The following LTBP1 variants were observed in gnomAD, a reference collection of about 807,000 sequenced individuals.
The protein encoded by LTBP1 is latent-transforming growth factor beta-binding protein 1.
Under a neutral mutation model 207.6 loss-of-function variants are expected in LTBP1, and 129 were observed. That is an observed-to-expected ratio of 0.62 (90% CI 0.54 to 0.72). LTBP1 has a LOEUF of 0.72. LTBP1 is among the 30% of genes least tolerant of loss of function. The pLI is 0.00. For missense variants in LTBP1, 2,281 were observed against 2,217.2 expected (o/e 1.03, Z -0.58); for synonymous variants, 963 against 833.7 (o/e 1.16, Z -2.67).
chr2:33,131,585 T>C (rs1260181097), intron 4 of LTBP1, among the ~76,000 whole-genome samples: 2 of 152,224 alleles, frequency 1.3e-5, no homozygotes, highest in African/African-American at 2.4e-5. Flanking sequence ...AAGATTGGCA[T>C]GAAAACCTAA....
chr2:33,252,007 T>G (rs1299109357), intron 10 of LTBP1, among the ~76,000 whole-genome samples: 1 of 152,208 alleles, frequency 6.6e-6, no homozygotes, highest in Non-Finnish European at 1.5e-5. Flanking sequence ...GATTAAAGTT[T>G]AGGTATTGGA....
chr2:33,388,385 T>C (rs539818492), intron 31 of LTBP1, among the ~76,000 whole-genome samples: 1 of 152,204 alleles, frequency 6.6e-6, no homozygotes, highest in Non-Finnish European at 1.5e-5. Context: ...ATGTGAAAAC[T>C]GTACACTCTG....
intron 26 of LTBP1, among the ~76,000 whole-genome samples, chr2:33,347,996 G>A (rs1396008342): frequency 6.6e-6 from 1 of 152,200 alleles, no homozygotes; most frequent in Non-Finnish European, 1.5e-5. Flanking sequence ...GGCCTAGAGA[G>A]TAGCTATGTT....
At chr2:33,030,781 C>G (rs2075657047) in intron 3 of LTBP1, among the ~76,000 whole-genome samples, 1 of 152,082 alleles carries the variant, frequency 6.6e-6, no homozygotes, top group Non-Finnish European at 1.5e-5. Context: ...TCAAATGAGT[C>G]TTTAATAAAT....
chr2:32,994,792 C>T lies in LTBP1; in HGVS notation c.566-26117C>T, dbSNP rs78758013. ...ACATTAGTGATTCTTAACCTTGCTG[C>T]GTATAAGAATCTCTTGGGAAAATTA... is the stretch of plus-strand genomic sequence containing the variant. On this transcript the variant is annotated intron_variant, in intron 2 of 33. Coordinates refer to ENST00000404816, the MANE Select transcript of LTBP1 (RefSeq NM_206943.4). Among the ~76,000 whole-genome samples the T allele has an allele frequency of 3.2e-3, 483 of 152,242 alleles. 1 individual carries two copies. Among genetic ancestry groups the T allele is most frequent in the African/African-American group, 0.011 (447 of 41,548 alleles).
rs118110176 is a variant in LTBP1, at chr2:33,048,574, C to T, written c.863+27368C>T. On this transcript the variant is annotated intron_variant, in intron 3 of 33. Coordinates refer to ENST00000404816, the MANE Select transcript of LTBP1 (RefSeq NM_206943.4). ...ATAGATGTTGTACTTATGTTTACTT[C>T]TGTCTAAAAATAGAAATCAACCTGT... Among the ~76,000 whole-genome samples the T allele has an allele frequency of 5.1e-4, 78 of 152,344 alleles. 3 individuals carry two copies. In the East Asian group the frequency reaches 0.011, roughly 22 times the overall value.
intron 3 of LTBP1, among the ~76,000 whole-genome samples, chr2:33,041,706 T>C (rs542541609): frequency 6.6e-5 from 10 of 152,328 alleles, no homozygotes; most frequent in African/African-American, 1.9e-4. Context: ...ACCTTTGTAT[T>C]AGGGCATAAA....
chr2:33,258,238 A>G (rs537432826), intron 12 of LTBP1, among the ~76,000 whole-genome samples: 2 of 152,312 alleles, frequency 1.3e-5, no homozygotes, highest in Non-Finnish European at 2.9e-5. Context: ...TACTTCACAT[A>G]TCTTGCTTAC....
rs142628362 is a variant in LTBP1, at chr2:33,188,754, A to T, written c.1604A>T (p.His535Leu). ...GLPVQKTQTIHSTYSHQQVIP... is the reference protein window; with the variant it reads ...GLPVQKTQTILSTYSHQQVIP... ...CCTGTCCAGAAGACCCAGACCATAC[A>T]TTCCACATACTCCCACCAGCAGGTC... The change falls in exon 7 of 34, where the codon CAT (histidine) becomes CTT (leucine). Residue 535 changes from histidine to leucine, a missense_variant. Transcript: ENST00000404816. 2 of 1,614,108 alleles carry T rather than the reference A, an allele frequency of 1.2e-6. No individual in the cohort carries two copies. The highest frequency in any genetic ancestry group is 2.2e-5 in the South Asian group (2 of 91,088).
chr2:33,396,109 G>A (rs1321423915), intron 32 of LTBP1, among the ~76,000 whole-genome samples: 1 of 151,792 alleles, frequency 6.6e-6, no homozygotes, highest in Non-Finnish European at 1.5e-5. Flanking sequence ...GGTTTCAAGA[G>A]ATCTAAACTA....
intron 2 of LTBP1, among the ~76,000 whole-genome samples, chr2:32,962,681 G>A (rs1174749235): frequency 1.3e-5 from 2 of 152,250 alleles, no homozygotes; most frequent in Non-Finnish European, 2.9e-5. Flanking sequence ...TTTGTTTTGA[G>A]TGTTAAAGGC....
At chr2:33,057,395 G>A (rs1337512475) in intron 3 of LTBP1, among the ~76,000 whole-genome samples, 1 of 152,210 alleles carries the variant, frequency 6.6e-6, no homozygotes, top group African/African-American at 2.4e-5. Context: ...GCCGCAGGTC[G>A]AGCTGCCTGC....
At chr2:33,178,705 A>G (rs1367648692) in intron 5 of LTBP1, among the ~76,000 whole-genome samples, 2 of 152,198 alleles carry the variant, frequency 1.3e-5, no homozygotes, top group African/African-American at 4.8e-5. Context: ...ATTTGCTTGA[A>G]TGAACTAAAC....
chr2:33,143,784 G>T (rs1182407523), intron 5 of LTBP1, among the ~76,000 whole-genome samples: 24 of 131,522 alleles, frequency 1.8e-4, no homozygotes, highest in Non-Finnish European at 3.2e-4. Flanking sequence ...GCTGTTTTTT[G>T]TTGTTTTTTT....
chr2:32,958,496 G>A (rs1378933374), intron 2 of LTBP1, among the ~76,000 whole-genome samples: 3 of 152,198 alleles, frequency 2.0e-5, no homozygotes, highest in East Asian at 3.9e-4. Flanking sequence ...TTGGCTCTGG[G>A]TATGGCTGAG....
intron 3 of LTBP1, among the ~76,000 whole-genome samples, chr2:33,079,006 A>C (rs542844449): frequency 1.7e-4 from 26 of 151,624 alleles, no homozygotes; most frequent in African/African-American, 6.0e-4. Flanking sequence ...TTACAGGCGC[A>C]CACCACCACG....
At chr2:33,257,661 G>C in intron 12 of LTBP1, 150 bp downstream of exon 12, 1 of 644,234 alleles carries the variant, frequency 1.6e-6, no homozygotes, top group Non-Finnish European at 2.7e-6. Context: ...GGGCTGCCCT[G>C]TGTATTGTAA....
At chr2:33,307,512 T>C (rs2094117232) in intron 22 of LTBP1, among the ~76,000 whole-genome samples, 1 of 152,158 alleles carries the variant, frequency 6.6e-6, no homozygotes, top group African/African-American at 2.4e-5. Flanking sequence ...AAAACTATTA[T>C]GCCGAGAGGA....
At chr2:33,331,909 A>T (rs2094498108) in intron 24 of LTBP1, among the ~76,000 whole-genome samples, 1 of 152,052 alleles carries the variant, frequency 6.6e-6, no homozygotes, top group Non-Finnish European at 1.5e-5. Flanking sequence ...AATTGTTGAG[A>T]ATTGCAGTGA....
Sources: allele counts gnomAD v4.1 joint callset (sites outside exome capture counted in the v4.1 genomes callset), GRCh38; gene constraint gnomAD v4.1.1; transcripts MANE v1.5; gene names NCBI Gene and HGNC (gene_info 2026-07-23, HGNC 2026-07-21).